The following TBCEL variants were observed in gnomAD, a reference collection of about 807,000 sequenced individuals.
The protein encoded by TBCEL is tubulin-specific chaperone cofactor E-like protein.
Under a neutral mutation model 44.2 loss-of-function variants are expected in TBCEL, and 15 were observed. The ratio of observed to expected loss-of-function variants is 0.34; its 90% CI spans 0.23 to 0.52. The LOEUF (loss-of-function observed/expected upper bound fraction) is 0.52, where lower values mean the gene tolerates loss of function less well. Among genes scored for constraint, TBCEL ranks in the 20% least tolerant of loss-of-function variants. The pLI is 0.95. For synonymous variants in TBCEL, 171 were observed against 185.4 expected, an observed-to-expected ratio of 0.92 and a Z score of 0.63; for missense variants, 319 against 506.3, an observed-to-expected ratio of 0.63 and a Z score of 3.55.
At chr11:121,045,595 A>G (rs1431871482) in intron 2 of TBCEL, 79 bp from the exon 3 acceptor site, 1 of 1,222,744 alleles carries the variant, frequency 8.2e-7, no homozygotes, top group Non-Finnish European at 1.1e-6. Context: ...TACTTTATAC[A>G]TAATGGGTTT....
At chr11:121,084,691 T>C (rs1301687471) in intron 8 of TBCEL, among the ~76,000 whole-genome samples, 1 of 152,184 alleles carries the variant, frequency 6.6e-6, no homozygotes, top group Non-Finnish European at 1.5e-5. Flanking sequence ...CAATTTTACT[T>C]TTCCATAGTC....
chr11:121,055,425 A>G (rs1200485434), intron 6 of TBCEL, 117 bp downstream of exon 6: 2 of 1,119,912 alleles, frequency 1.8e-6, no homozygotes, highest in South Asian at 2.5e-5. Flanking sequence ...TGAATTTTCT[A>G]TATGACATGC....
chr11:121,084,723 G>A (rs1398976906), intron 8 of TBCEL, among the ~76,000 whole-genome samples: 1 of 152,072 alleles, frequency 6.6e-6, no homozygotes, highest in Non-Finnish European at 1.5e-5. Flanking sequence ...CATCTCTAGA[G>A]TTGGGTTCAG....
At chr11:121,086,587 T>C (rs1946221246) in intron 8 of TBCEL, among the ~76,000 whole-genome samples, 191 bp from the exon 9 acceptor site, 1 of 152,238 alleles carries the variant, frequency 6.6e-6, no homozygotes, top group Non-Finnish European at 1.5e-5. Context: ...TCAGGAAAAA[T>C]GATTCCCCAG....
chr11:121,045,115 T>A (rs1021559383), intron 2 of TBCEL, among the ~76,000 whole-genome samples: 1 of 152,114 alleles, frequency 6.6e-6, no homozygotes, highest in African/African-American at 2.4e-5. Context: ...AGTGGCACAC[T>A]CTGGTCATCT....
rs1039163652 is a variant in TBCEL at position 121,088,324 on chromosome 11, A to G, written c.*1228A>G. ...AAGTATAACTGCCCAATCTATGAGT[A>G]AAGTGTAAGTGTCAAAACTTTACAA... On this transcript the variant is annotated 3_prime_UTR_variant, in exon 9 of 9. Transcript: ENST00000683345. The G allele has an allele frequency of 4.6e-5, 7 of 152,236 alleles. No homozygotes were observed. The highest frequency in any genetic ancestry group is 7.2e-5 in the African/African-American group (3 of 41,476). The allele number at this position is 152,236 out of a possible 1,614,324, so 9.4% of individuals were successfully genotyped here.
chr11:121,049,091 T>A (rs946880163), intron 4 of TBCEL, among the ~76,000 whole-genome samples: 1 of 151,906 alleles, frequency 6.6e-6, no homozygotes, highest in African/African-American at 2.4e-5. Context: ...GAGATTTTTA[T>A]CTTTTTTTTA....
chr11:121,071,332 C>G (rs1046600897), intron 8 of TBCEL, among the ~76,000 whole-genome samples: 1 of 152,098 alleles, frequency 6.6e-6, no homozygotes, highest in Non-Finnish European at 1.5e-5. Flanking sequence ...TATCATGTAT[C>G]TTTGGGAACT....
intron 1 of TBCEL, among the ~76,000 whole-genome samples, chr11:121,027,056 T>TC (rs1270166888): frequency 2.0e-5 from 3 of 152,334 alleles, no homozygotes; most frequent in Non-Finnish European, 2.9e-5. Context: ...TACTTTTTTT[T>TC]CCTTTTCTTA....
chr11:121,070,550 G>A (rs1355224010), intron 8 of TBCEL, among the ~76,000 whole-genome samples: 1 of 152,158 alleles, frequency 6.6e-6, no homozygotes. Flanking sequence ...CATGTCCTTT[G>A]TAGGGACTTG....
intron 3 of TBCEL, 99 bp downstream of exon 3, chr11:121,045,922 A>G: frequency 7.8e-7 from 1 of 1,274,356 alleles, no homozygotes; most frequent in Non-Finnish European, 1.0e-6. Context: ...TTTATTTTTA[A>G]TTACAGTCAA....
In TBCEL at chr11:121,051,277, C is replaced by A. The variant is rs531262781; in HGVS notation, c.274-2274C>A. The stretch of plus-strand genomic sequence containing the variant: ...TATCTGCTAGCCTTGGGAAATCTCC[C>A]AGAAATTGTTTCAAAACCCTTAAAT... On this transcript the variant is annotated intron_variant, in intron 4 of 8. Coordinates refer to ENST00000683345, the MANE Select transcript of TBCEL (RefSeq NM_001363644.2). Among the ~76,000 whole-genome samples the A allele has an allele frequency of 5.9e-5, 9 of 151,796 alleles. No homozygotes were observed. The South Asian group carries it at 1.9e-3, about 32-fold the overall frequency.
intron 2 of TBCEL, among the ~76,000 whole-genome samples, chr11:121,037,920 G>T (rs1240988282): frequency 6.6e-6 from 1 of 151,016 alleles, no homozygotes; most frequent in Non-Finnish European, 1.5e-5. Context: ...TGTTGTTGTT[G>T]TTTATTTATT....
intron 8 of TBCEL, among the ~76,000 whole-genome samples, chr11:121,081,959 A>G (rs1430912928): frequency 6.6e-6 from 1 of 152,228 alleles, no homozygotes; most frequent in Non-Finnish European, 1.5e-5. Flanking sequence ...GGCCTTACCT[A>G]TAAATTAATA....
At chr11:121,052,975 C>T (rs889457300) in intron 4 of TBCEL, among the ~76,000 whole-genome samples, 5 of 151,476 alleles carry the variant, frequency 3.3e-5, no homozygotes, top group African/African-American at 7.3e-5. Flanking sequence ...TTTTCCCTTT[C>T]GTTATATAGT....
intron 8 of TBCEL, among the ~76,000 whole-genome samples, chr11:121,084,112 A>T (rs1233865663): frequency 6.6e-6 from 1 of 152,146 alleles, no homozygotes; most frequent in African/African-American, 2.4e-5. Flanking sequence ...AGCCCTTGTG[A>T]CCTAGTCGCC....
At chr11:121,028,184 G>A (rs553583400) in intron 1 of TBCEL, among the ~76,000 whole-genome samples, 1 of 152,024 alleles carries the variant, frequency 6.6e-6, no homozygotes, top group South Asian at 2.1e-4. Context: ...GCCTGGGCAA[G>A]AAGAGTGAGG....
At chr11:121,031,574 G>C (rs115633780) in intron 1 of TBCEL, among the ~76,000 whole-genome samples, 1 of 151,002 alleles carries the variant, frequency 6.6e-6, no homozygotes, top group African/African-American at 2.4e-5. Flanking sequence ...TTAGTTACAC[G>C]TGTTGCAAGT....
chr11:121,051,424 G>A (rs911689654), intron 4 of TBCEL, among the ~76,000 whole-genome samples: 8 of 151,664 alleles, frequency 5.3e-5, no homozygotes, highest in African/African-American at 2.4e-5. Context: ...TATTCTTCGT[G>A]CTTTAGTTGG....
Sources: allele counts gnomAD v4.1 joint callset (sites outside exome capture counted in the v4.1 genomes callset), GRCh38; gene constraint gnomAD v4.1.1; transcripts MANE v1.5; gene names NCBI Gene and HGNC (gene_info 2026-07-23, HGNC 2026-07-21).